EXOC4: variants seen among roughly 807,000 people sequenced by gnomAD.
The protein encoded by EXOC4 is SEC8-like 1.
Under a neutral mutation model 107.2 loss-of-function variants are expected in EXOC4, and 71 were observed. The observed-to-expected ratio is 0.66, with a 90% CI of 0.55 to 0.81. EXOC4 has a LOEUF of 0.81. Among genes scored for constraint, EXOC4 ranks in the 30% least tolerant of loss-of-function variants. The pLI is 0.00. For synonymous variants in EXOC4, 456 were observed against 441.2 expected, an observed-to-expected ratio of 1.03 and a Z score of -0.42; for missense variants, 1,108 against 1,189.6, an observed-to-expected ratio of 0.93 and a Z score of 1.01.
intron 9 of EXOC4, among the ~76,000 whole-genome samples, chr7:133,590,483 G>T (rs1013191284): frequency 7.2e-5 from 11 of 152,006 alleles, no homozygotes; most frequent in Admixed American, 7.2e-4. Context: ...TCCAAATGCT[G>T]CCCTTTCTAA....
At chr7:133,759,144 A>ATTTTTTTTTTTTT (rs34768347) in intron 10 of EXOC4, among the ~76,000 whole-genome samples, 5 of 140,632 alleles carry the variant, frequency 3.6e-5, no homozygotes, top group Non-Finnish European at 4.6e-5. Context: ...CAACAAAAGA[A>ATTTTTTTTTTTTT]TTTTTTTTTT....
At chr7:133,291,003 C>T (rs1198622435) in intron 3 of EXOC4, 6 of 152,066 alleles carry the variant, frequency 3.9e-5, no homozygotes, top group Non-Finnish European at 8.8e-5. Flanking sequence ...GCTATGTCTA[C>T]ATCTTTCCAC....
chr7:133,924,640 T>C (rs1800011936), intron 13 of EXOC4, among the ~76,000 whole-genome samples: 1 of 152,226 alleles, frequency 6.6e-6, no homozygotes, highest in African/African-American at 2.4e-5. Flanking sequence ...AGTGTATAAC[T>C]AAATGTAATG....
intron 7 of EXOC4, among the ~76,000 whole-genome samples, chr7:133,469,007 C>A (rs1798803171): frequency 6.6e-6 from 1 of 152,102 alleles, no homozygotes; most frequent in Admixed American, 6.5e-5. Context: ...GAGCTTGAGA[C>A]AATTTTTTCA....
At chr7:134,090,650 C>G in the EXOC4 span, among the ~76,000 whole-genome samples, 3 of 152,090 alleles carry the variant, frequency 2.0e-5, no homozygotes, top group East Asian at 5.8e-4. Flanking sequence ...CCCTGTTGCT[C>G]TAACATTCAG....
At chr7:133,903,268 A>G (rs1483748329) in intron 12 of EXOC4, among the ~76,000 whole-genome samples, 3 of 152,252 alleles carry the variant, frequency 2.0e-5, no homozygotes, top group Non-Finnish European at 4.4e-5. Flanking sequence ...GATTGTGCGT[A>G]GGAGCAGCAT....
chr7:133,799,794 A>G (rs1414036955), intron 10 of EXOC4, among the ~76,000 whole-genome samples: 1 of 152,212 alleles, frequency 6.6e-6, no homozygotes, highest in Non-Finnish European at 1.5e-5. Flanking sequence ...AATGGAAAAG[A>G]CCAGACCAGA....
At chr7:133,730,602 G>T (rs1000130011) in intron 10 of EXOC4, among the ~76,000 whole-genome samples, 3 of 152,088 alleles carry the variant, frequency 2.0e-5, no homozygotes, top group African/African-American at 7.2e-5. Flanking sequence ...TGTTTATAAA[G>T]TCATTAATCT....
intron 11 of EXOC4, among the ~76,000 whole-genome samples, chr7:133,868,382 T>C (rs1798685017): frequency 6.6e-6 from 1 of 152,208 alleles, no homozygotes; most frequent in Non-Finnish European, 1.5e-5. Flanking sequence ...TGGCATCCAG[T>C]ATATGTGAAT....
intron 11 of EXOC4, among the ~76,000 whole-genome samples, chr7:133,887,862 C>A (rs1399746858): frequency 6.6e-6 from 1 of 152,136 alleles, no homozygotes; most frequent in African/African-American, 2.4e-5. Flanking sequence ...TTAAATTCTT[C>A]TTAGCGTAGG....
At chr7:133,444,191 G>T (rs531204571) in intron 7 of EXOC4, among the ~76,000 whole-genome samples, 1 of 152,152 alleles carries the variant, frequency 6.6e-6, no homozygotes, top group Non-Finnish European at 1.5e-5. Context: ...AGGAATTTCA[G>T]TCCAAAGGGG....
chr7:133,512,606 T>G (rs1038289762), intron 9 of EXOC4, among the ~76,000 whole-genome samples: 2 of 151,962 alleles, frequency 1.3e-5, no homozygotes, highest in Non-Finnish European at 2.9e-5. Flanking sequence ...AGAAGATCAA[T>G]GCGCACAAGA....
intron 10 of EXOC4, among the ~76,000 whole-genome samples, chr7:133,760,022 C>T (rs1181588463): frequency 1.3e-5 from 2 of 152,100 alleles, no homozygotes; most frequent in Admixed American, 6.5e-5. Context: ...GATGAAATGG[C>T]GTAATGAGTG....
At chr7:133,312,697 C>G (rs1196484394) in intron 4 of EXOC4, among the ~76,000 whole-genome samples, 1 of 151,800 alleles carries the variant, frequency 6.6e-6, no homozygotes, top group African/African-American at 2.4e-5. Flanking sequence ...TGGACAGACA[C>G]TCATTTTTAA....
intron 8 of EXOC4, chr7:133,479,262 C>T (rs770199578): frequency 2.0e-5 from 3 of 151,988 alleles, no homozygotes; most frequent in South Asian, 2.1e-4. Context: ...CTTACTTGCA[C>T]GTTTATCTTA....
At chr7:133,682,894 G>T (rs1794217730) in intron 10 of EXOC4, among the ~76,000 whole-genome samples, 1 of 152,200 alleles carries the variant, frequency 6.6e-6, no homozygotes, top group Admixed American at 6.5e-5. Context: ...AAGGAAAGGA[G>T]GTAGTGCAGA....
At chr7:133,268,657 A>G (rs1793793817) in intron 1 of EXOC4, among the ~76,000 whole-genome samples, 1 of 152,194 alleles carries the variant, frequency 6.6e-6, no homozygotes, top group Admixed American at 6.5e-5. Flanking sequence ...TGGGAAACAG[A>G]CAAATTCAGT....
chr7:133,935,881 T>C (rs1416441109), intron 13 of EXOC4, among the ~76,000 whole-genome samples: 1 of 152,178 alleles, frequency 6.6e-6, no homozygotes, highest in African/African-American at 2.4e-5. Context: ...ATTGAAATTT[T>C]CCCAATGAAA....
At chr7:134,043,389 G>T (rs972439335) in intron 17 of EXOC4, among the ~76,000 whole-genome samples, 1 of 152,142 alleles carries the variant, frequency 6.6e-6, no homozygotes, top group African/African-American at 2.4e-5. Flanking sequence ...CTGTTTTCCT[G>T]CTCAAATGGT....
Sources: allele counts gnomAD v4.1 joint callset (sites outside exome capture counted in the v4.1 genomes callset), GRCh38; gene constraint gnomAD v4.1.1; transcripts MANE v1.5; gene names NCBI Gene and HGNC (gene_info 2026-07-23, HGNC 2026-07-21).